The following SEMA6A variants were observed in gnomAD, a reference collection of about 807,000 sequenced individuals.
SEMA6A encodes semaphorin-6A.
A neutral mutation model predicts 96.8 loss-of-function variants in SEMA6A; 25 were observed. That is an observed-to-expected ratio of 0.26 (90% CI 0.19 to 0.36). The LOEUF is 0.36. Ranked by LOEUF, SEMA6A falls within the 10% of genes least tolerant of loss-of-function variation. The probability of loss-of-function intolerance (pLI) is 1.00; values close to 1 mark genes in which losing one functional copy is unlikely to be tolerated. For synonymous variants in SEMA6A, 612 were observed against 518.0 expected, an observed-to-expected ratio of 1.18 and a Z score of -2.46; for missense variants, 1,363 against 1,323.1, an observed-to-expected ratio of 1.03 and a Z score of -0.47.
chr5:116,542,094 T>G (rs1020149522), intron 1 of SEMA6A, among the ~76,000 whole-genome samples: 1 of 152,222 alleles, frequency 6.6e-6, no homozygotes, highest in Non-Finnish European at 1.5e-5. Flanking sequence ...GCATTTTGTC[T>G]CTTTGTATGC....
At chr5:116,492,301 TAA>T (rs34404636) in intron 6 of SEMA6A, 34 of 125,414 alleles carry the variant, frequency 2.7e-4, no homozygotes, top group African/African-American at 5.8e-4. Context: ...GTAACTAACC[TAA>T]AAAAAAAAAA....
Position 116,444,205 on chromosome 5 carries a change from T to A in SEMA6A, c.*2408A>T, listed in dbSNP as rs1356854293. The A allele has an allele frequency of 6.6e-6, 1 of 151,198 alleles. No individual in the cohort carries two copies. Among genetic ancestry groups the A allele is most frequent in the East Asian group, 1.9e-4 (1 of 5,142 alleles). 9.4% of individuals were successfully genotyped at this position (151,198 alleles called of 1,614,324 possible). On this transcript the variant is annotated 3_prime_UTR_variant, in exon 19 of 19. Coordinates refer to ENST00000343348, the MANE Select transcript of SEMA6A (RefSeq NM_020796.5). ...GTTTCAGGAGACAGAGTTCACAGGA[T>A]GTGAACATGGATTCCATTACAAAAG...
At chr5:116,519,686 C>CACACAA (rs973383874) in intron 1 of SEMA6A, among the ~76,000 whole-genome samples, 3 of 149,544 alleles carry the variant, frequency 2.0e-5, no homozygotes, top group East Asian at 1.9e-4. Context: ...CACACACACA[C>CACACAA]ACACACGCAC....
intron 18 of SEMA6A, among the ~76,000 whole-genome samples, chr5:116,452,662 A>G (rs932103073): frequency 8.1e-5 from 12 of 148,400 alleles, no homozygotes; most frequent in African/African-American, 2.9e-4. Flanking sequence ...ATCAAACACT[A>G]CATTCCTTAT....
At position 116,504,955 on chromosome 5, in the gene SEMA6A, C is replaced by A; in HGVS notation, c.-11G>T. On this transcript the variant is annotated 5_prime_UTR_variant, in exon 2 of 19. Coordinates refer to ENST00000343348, the MANE Select transcript of SEMA6A (RefSeq NM_020796.5). ...GGCTTCTGACCTCATAGTAGTTCAG[C>A]GGGGAGACTTTATTTCTCTACTTCA... 6.4e-7 allele frequency: 1 copy of A among 1,561,522 alleles called. No homozygotes were observed. The highest frequency in any genetic ancestry group is 8.7e-7 in the Non-Finnish European group (1 of 1,146,846).
intron 1 of SEMA6A, among the ~76,000 whole-genome samples, chr5:116,519,288 T>A (rs1758816631): frequency 6.6e-6 from 1 of 152,206 alleles, no homozygotes; most frequent in African/African-American, 2.4e-5. Context: ...ATTTTTCCAA[T>A]TTTTTGAAAG....
chr5:116,513,023 G>T (rs1220220599), intron 1 of SEMA6A, among the ~76,000 whole-genome samples: 1 of 152,098 alleles, frequency 6.6e-6, no homozygotes, highest in Non-Finnish European at 1.5e-5. Context: ...TGGGTACAAG[G>T]TAGGTGTATA....
intron 1 of SEMA6A, among the ~76,000 whole-genome samples, chr5:116,513,599 TTC>T (rs1354250776): frequency 2.8e-4 from 39 of 138,578 alleles, no homozygotes; most frequent in African/African-American, 1.1e-3. Context: ...CCTCTTGATT[TTC>T]TTTTTTTTTT....
At position 116,478,536 on chromosome 5, in the gene SEMA6A, A is replaced by G; in HGVS notation, c.1427+6T>C. On this transcript the variant is annotated splice_donor_region_variant and intron_variant, in intron 13 of 18. Transcript: ENST00000343348. Reference sequence around the variant, plus strand: ...TTACTAAGAAAGAACCAAATATTCCACTTACTTTTCAGAGTTGTAAACACT... The same window carrying G: ...TTACTAAGAAAGAACCAAATATTCCGCTTACTTTTCAGAGTTGTAAACACT... 6.2e-7 allele frequency: 1 copy of G among 1,601,498 alleles called. No individual in the cohort carries two copies. The highest frequency in any genetic ancestry group is 1.3e-5 in the African/African-American group (1 of 74,620).
intron 1 of SEMA6A, among the ~76,000 whole-genome samples, chr5:116,526,808 C>T (rs1030020006): frequency 2.6e-5 from 4 of 152,062 alleles, no homozygotes; most frequent in Non-Finnish European, 1.5e-5. Context: ...CCAGCATTTG[C>T]CTTTCTACTT....
Position 116,554,059 on chromosome 5 carries a change from C to G in SEMA6A, c.-39+20126G>C, listed in dbSNP as rs142145129. Among the ~76,000 whole-genome samples, 28 of 152,178 alleles carry G rather than the reference C, an allele frequency of 1.8e-4. 1 individual carries two copies. The highest frequency in any genetic ancestry group is 6.5e-4 in the African/African-American group (27 of 41,510). On this transcript the variant is annotated intron_variant, in intron 1 of 18. Transcript: ENST00000343348. ...GATAGGAGGAGGGCCACAGAGAGCC[C>G]TATAGTAGGAAAGGGCTTTCTACTG...
chr5:116,465,882 C>T (rs1001539643), intron 18 of SEMA6A, among the ~76,000 whole-genome samples: 1 of 152,046 alleles, frequency 6.6e-6, no homozygotes, highest in East Asian at 1.9e-4. Flanking sequence ...GTTTTCTCTT[C>T]TTGAGAATAC....
intron 16 of SEMA6A, 149 bp downstream of exon 16, chr5:116,475,396 C>T (rs74498002): frequency 1.3e-4 from 68 of 518,850 alleles, no homozygotes; most frequent in African/African-American, 1.3e-3. Context: ...GCACTGCTTT[C>T]TTTGTTTGGT....
intron 10 of SEMA6A, among the ~76,000 whole-genome samples, chr5:116,482,962 T>G (rs1756863369): frequency 1.3e-5 from 2 of 152,328 alleles, no homozygotes; most frequent in African/African-American, 2.4e-5. Context: ...CTAATATTGG[T>G]GAAAATTTGA....
At chr5:116,558,106 T>C (rs1760677773) in intron 1 of SEMA6A, among the ~76,000 whole-genome samples, 1 of 152,216 alleles carries the variant, frequency 6.6e-6, no homozygotes, top group South Asian at 2.1e-4. Context: ...CCTTTCTAGA[T>C]ATTCAGTTTG....
At chr5:116,569,906 T>C (rs1019385449) in intron 1 of SEMA6A, among the ~76,000 whole-genome samples, 3 of 152,146 alleles carry the variant, frequency 2.0e-5, no homozygotes, top group Non-Finnish European at 4.4e-5. Flanking sequence ...CCACTAAGCA[T>C]TGGTTATTTG....
intron 1 of SEMA6A, among the ~76,000 whole-genome samples, chr5:116,545,080 T>C (rs905136495): frequency 6.6e-6 from 1 of 152,138 alleles, no homozygotes; most frequent in Non-Finnish European, 1.5e-5. Flanking sequence ...CTCATCCTAG[T>C]CACCTGCTCT....
chr5:116,490,060 TA>T (rs573927058), intron 7 of SEMA6A, among the ~76,000 whole-genome samples: 10 of 152,212 alleles, frequency 6.6e-5, no homozygotes, highest in African/African-American at 2.2e-4. Flanking sequence ...TTGTTTGTTT[TA>T]AAAAAACTCA....
chr5:116,467,882 A>AGTGGTAGTG (rs1755868216), intron 17 of SEMA6A, 135 bp from the exon 18 acceptor site: 1 of 531,408 alleles, frequency 1.9e-6, no homozygotes, highest in African/African-American at 2.1e-5. Flanking sequence ...GACACGGCTT[A>AGTGGTAGTG]GTGGTGGTGG....
Sources: gnomAD v4.1 joint callset for allele counts (sites outside exome capture counted in the v4.1 genomes callset) on GRCh38, gnomAD v4.1.1 for gene constraint, MANE v1.5 for transcripts, NCBI Gene and HGNC (gene_info 2026-07-23, HGNC 2026-07-21) for gene names.